DKK2: variants seen among roughly 807,000 people sequenced by gnomAD.
The protein encoded by DKK2 is dickkopf Wnt signaling pathway inhibitor 2.
DKK2 carries 11 observed loss-of-function variants against 28.1 expected under a neutral mutation model. The ratio of observed to expected loss-of-function variants is 0.39; its 90% confidence interval spans 0.25 to 0.65. DKK2 has a LOEUF of 0.65. Ranked by LOEUF, DKK2 falls within the 30% of genes least tolerant of loss-of-function variation. DKK2 has a pLI of 0.47. For synonymous variants in DKK2, 135 were observed against 126.5 expected (o/e 1.07, Z -0.45); for missense variants, 326 against 335.5 (o/e 0.97, Z 0.22).
chr4:106,981,206 G>T (rs1051243425), intron 1 of DKK2, among the ~76,000 whole-genome samples: 2 of 151,984 alleles, frequency 1.3e-5, no homozygotes, highest in African/African-American at 4.8e-5. Context: ...ATACTTGAAG[G>T]GGTGGTCTAA....
chr4:106,941,031 C>T lies in DKK2; in HGVS notation c.223-15082G>A, dbSNP rs574087077. 1.2e-4 allele frequency among the ~76,000 whole-genome samples: 18 copies of T among 152,024 alleles called. No individual in the cohort carries two copies. In the South Asian group the frequency reaches 2.9e-3, roughly 25 times the overall value. ...CTAGATGACGAGTTAGTGGGGGCAG[C>T]GCACCAGCATGGCACATGTATACAT... On this transcript the variant is annotated intron_variant, in intron 1 of 3. Coordinates refer to ENST00000285311, the MANE Select transcript of DKK2 (RefSeq NM_014421.3).
chr4:106,924,155 A>G lies in DKK2; in HGVS notation c.579T>C (p.Phe193=), dbSNP rs746169670. The G allele has an allele frequency of 1.2e-6, 2 of 1,614,022 alleles. No individual in the cohort carries two copies. Among genetic ancestry groups the G allele is most frequent in the South Asian group, 2.2e-5 (2 of 91,080 alleles). Reference sequence around the variant, plus strand: ...TGGTCCAGAAATGACGAGCACAGCAAAACCCTTCAATGCAGTCTGATGATC... The same window carrying G: ...TGGTCCAGAAATGACGAGCACAGCAGAACCCTTCAATGCAGTCTGATGATC... The part of the protein sequence containing the change: ...CLRSSDCIEG[F]CCARHFWTKI... The change falls in exon 4 of 4, where the codon TTT becomes TTC. Residue 193 remains phenylalanine (F), a synonymous_variant. Coordinates refer to ENST00000285311, the MANE Select transcript of DKK2 (RefSeq NM_014421.3).
At chr4:107,014,448 G>A (rs1723560715) in intron 1 of DKK2, among the ~76,000 whole-genome samples, 2 of 151,344 alleles carry the variant, frequency 1.3e-5, no homozygotes, top group Non-Finnish European at 3.0e-5. Flanking sequence ...TGATCTCATA[G>A]AATTATAGAC....
Position 106,982,088 on chromosome 4 carries a change from G to T in DKK2, c.222+53282C>A, listed in dbSNP as rs951755196. On this transcript the variant is annotated intron_variant, in intron 1 of 3. Coordinates refer to ENST00000285311, the MANE Select transcript of DKK2 (RefSeq NM_014421.3). ...CTAGTTCACAGAACAAATATTTTAA[G>T]ATTTGGAGTATTTCAATGTATGACA... Among the ~76,000 whole-genome samples the T allele has an allele frequency of 5.9e-5, 9 of 152,248 alleles. 1 individual carries two copies. Among genetic ancestry groups the T allele is most frequent in the Admixed American group, 5.9e-4 (9 of 15,290 alleles).
chr4:106,969,155 T>C (rs1210134039), intron 1 of DKK2, among the ~76,000 whole-genome samples: 1 of 151,966 alleles, frequency 6.6e-6, no homozygotes, highest in Non-Finnish European at 1.5e-5. Flanking sequence ...CATTTCTTAA[T>C]CTTTGCTCAG....
At chr4:107,010,989 G>A (rs1268210076) in intron 1 of DKK2, among the ~76,000 whole-genome samples, 2 of 151,534 alleles carry the variant, frequency 1.3e-5, no homozygotes, top group African/African-American at 4.8e-5. Context: ...TCACTTAATA[G>A]AAGGCAGCTG....
intron 1 of DKK2, among the ~76,000 whole-genome samples, chr4:106,963,059 T>TCAAAACAAAA (rs201722038): frequency 0.065 from 9,251 of 141,958 alleles, 314 homozygotes; most frequent in Non-Finnish European, 0.076. Flanking sequence ...AAACTGCGTC[T>TCAAAACAAAA]CAAAACAAAA....
chr4:106,927,244 C>T (rs369992013), intron 1 of DKK2, among the ~76,000 whole-genome samples: 1 of 151,894 alleles, frequency 6.6e-6, no homozygotes, highest in East Asian at 1.9e-4. Context: ...TCTTTTTTTC[C>T]TTTTATTTCT....
intron 1 of DKK2, among the ~76,000 whole-genome samples, chr4:106,978,402 A>T (rs762539936): frequency 1.4e-4 from 22 of 152,200 alleles, no homozygotes; most frequent in Non-Finnish European, 2.9e-4. Flanking sequence ...TAAGCCCCTG[A>T]CAGTGGCTGC....
chr4:107,007,160 C>G (rs1236964743), intron 1 of DKK2, among the ~76,000 whole-genome samples: 1 of 151,928 alleles, frequency 6.6e-6, no homozygotes, highest in Non-Finnish European at 1.5e-5. Flanking sequence ...AGTGGGAGAT[C>G]TTGAATTTAT....
intron 1 of DKK2, among the ~76,000 whole-genome samples, chr4:106,939,316 T>C (rs1333491802): frequency 2.0e-5 from 3 of 151,368 alleles, no homozygotes; most frequent in African/African-American, 4.8e-5. Flanking sequence ...TATACACCAA[T>C]AACAGACAGA....
intron 1 of DKK2, among the ~76,000 whole-genome samples, chr4:106,934,446 T>C (rs1006173773): frequency 1.3e-5 from 2 of 152,210 alleles, no homozygotes; most frequent in African/African-American, 2.4e-5. Context: ...TATTAAAAAT[T>C]GTGTTTTGTT....
chr4:106,989,800 T>C (rs908532137), intron 1 of DKK2, among the ~76,000 whole-genome samples: 2 of 152,210 alleles, frequency 1.3e-5, no homozygotes, highest in Non-Finnish European at 2.9e-5. Flanking sequence ...ATTCAAGCTA[T>C]GTGTTTGAGG....
At chr4:107,026,003 C>A (rs144560445) in intron 1 of DKK2, among the ~76,000 whole-genome samples, 13 of 152,284 alleles carry the variant, frequency 8.5e-5, no homozygotes, top group Middle Eastern at 3.4e-3. Flanking sequence ...GTGAGAATTT[C>A]TTTGTCAGAG....
chr4:106,937,530 AC>A (rs1452715538), intron 1 of DKK2, among the ~76,000 whole-genome samples: 29 of 149,344 alleles, frequency 1.9e-4, no homozygotes, highest in Non-Finnish European at 3.0e-5. Flanking sequence ...AGACTTTAAC[AC>A]CCCACTGTCA....
intron 1 of DKK2, among the ~76,000 whole-genome samples, chr4:107,020,350 T>A (rs997929156): frequency 1.3e-5 from 2 of 152,042 alleles, no homozygotes; most frequent in Non-Finnish European, 2.9e-5. Context: ...ATTTTTCTTG[T>A]TAAAAAGCCA....
intron 1 of DKK2, among the ~76,000 whole-genome samples, chr4:106,941,590 T>A (rs949041273): frequency 2.0e-5 from 3 of 152,144 alleles, no homozygotes; most frequent in Non-Finnish European, 4.4e-5. Context: ...CACAGCAGTT[T>A]ATGCAGTGAA....
At chr4:106,965,084 T>C (rs1348572867) in intron 1 of DKK2, among the ~76,000 whole-genome samples, 1 of 152,122 alleles carries the variant, frequency 6.6e-6, no homozygotes, top group African/African-American at 2.4e-5. Flanking sequence ...TGATTTCAAA[T>C]AGGATAAAGG....
intron 1 of DKK2, among the ~76,000 whole-genome samples, chr4:107,032,049 G>A (rs1280621819): frequency 6.6e-6 from 1 of 151,852 alleles, no homozygotes; most frequent in African/African-American, 2.4e-5. Flanking sequence ...TATATATTAT[G>A]TAAATATACT....
Sources: allele counts gnomAD v4.1 joint callset (sites outside exome capture counted in the v4.1 genomes callset), GRCh38; gene constraint gnomAD v4.1.1; transcripts MANE v1.5; gene names NCBI Gene and HGNC (gene_info 2026-07-23, HGNC 2026-07-21).